Variants in NKAIN2 observed in about 807,000 individuals in gnomAD.
NKAIN2 encodes sodium/potassium transporting ATPase interacting 2, also known as sodium/potassium-transporting ATPase subunit beta-1-interacting protein 2.
A neutral mutation model predicts 32.6 loss-of-function variants in NKAIN2; 14 were observed. The ratio of observed to expected loss-of-function variants is 0.43; its 90% CI spans 0.28 to 0.67. NKAIN2 has a LOEUF of 0.67. Ranked by LOEUF, NKAIN2 falls within the 30% of genes least tolerant of loss-of-function variation. The pLI is 0.17. For missense variants in NKAIN2, 198 were observed against 258.3 expected (o/e 0.77, Z 1.60); for synonymous variants, 80 against 87.2 (o/e 0.92, Z 0.46).
intron 1 of NKAIN2, among the ~76,000 whole-genome samples, chr6:124,239,533 A>G (rs180819993): frequency 1.4e-3 from 207 of 152,304 alleles, no homozygotes; most frequent in African/African-American, 4.7e-3. Flanking sequence ...AACGAAAATC[A>G]TAAAAAACAG....
At position 124,312,301 on chromosome 6, in the gene NKAIN2, A is replaced by G. The variant is rs78544437; in HGVS notation, c.192+29159A>G. On this transcript the variant is annotated intron_variant, in intron 2 of 6. Coordinates refer to ENST00000368417, the MANE Select transcript of NKAIN2 (RefSeq NM_001040214.3). ...GCAGACACCAGCTAGCTGTCTTCCAATTCAGTTCTGACACTCTACCTGGAG... is the reference window on the plus strand; with the variant it reads ...GCAGACACCAGCTAGCTGTCTTCCAGTTCAGTTCTGACACTCTACCTGGAG... 5.7e-3 allele frequency among the ~76,000 whole-genome samples: 871 copies of G among 152,220 alleles called. 7 individuals are homozygous for G. Among genetic ancestry groups the G allele is most frequent in the African/African-American group, 0.02 (836 of 41,554 alleles).
At chr6:124,432,468 A>G (rs1775259597) in intron 3 of NKAIN2, among the ~76,000 whole-genome samples, 1 of 152,088 alleles carries the variant, frequency 6.6e-6, no homozygotes, top group Admixed American at 6.5e-5. Context: ...TTAGCCAGTC[A>G]TAGTGGTGTG....
At chr6:124,706,935 C>T (rs1361657756) in intron 4 of NKAIN2, among the ~76,000 whole-genome samples, 2 of 151,868 alleles carry the variant, frequency 1.3e-5, no homozygotes, top group Non-Finnish European at 2.9e-5. Context: ...TGGTGCGCTG[C>T]ACCCACTAAC....
intron 1 of NKAIN2, among the ~76,000 whole-genome samples, chr6:123,816,679 G>C (rs1289098597): frequency 6.6e-6 from 1 of 152,108 alleles, no homozygotes; most frequent in Non-Finnish European, 1.5e-5. Context: ...TGTCAGAATG[G>C]GAAGGGGTAG....
intron 1 of NKAIN2, among the ~76,000 whole-genome samples, chr6:124,131,410 C>T (rs1411620043): frequency 6.6e-6 from 1 of 152,154 alleles, no homozygotes; most frequent in African/African-American, 2.4e-5. Flanking sequence ...CTTGGCCAGA[C>T]AGAACAGTGT....
chr6:124,769,416 C>A (rs555456982), intron 4 of NKAIN2, among the ~76,000 whole-genome samples: 1 of 152,182 alleles, frequency 6.6e-6, no homozygotes, highest in East Asian at 1.9e-4. Flanking sequence ...TCCTGCAATC[C>A]CCCACCCTCT....
intron 4 of NKAIN2, among the ~76,000 whole-genome samples, chr6:124,688,224 T>G (rs540058614): frequency 6.6e-6 from 1 of 152,194 alleles, no homozygotes; most frequent in Admixed American, 6.6e-5. Flanking sequence ...CCTCACCAGA[T>G]TTTATATTTG....
intron 1 of NKAIN2, among the ~76,000 whole-genome samples, chr6:124,175,256 A>G (rs1436237197): frequency 6.6e-6 from 1 of 152,138 alleles, no homozygotes; most frequent in Non-Finnish European, 1.5e-5. Flanking sequence ...TGACAGATCT[A>G]CACTCACACA....
chr6:124,100,481 G>A (rs142492873), intron 1 of NKAIN2, among the ~76,000 whole-genome samples: 49 of 152,250 alleles, frequency 3.2e-4, no homozygotes, highest in African/African-American at 1.1e-3. Context: ...AGACACATTT[G>A]TCAACATCTG....
rs757782171 is a variant in NKAIN2, at chr6:124,251,713, TG to T, written c.55-31290del. On this transcript the variant is annotated intron_variant, in intron 1 of 6. Transcript: ENST00000368417. ...AGTCAATATTGTTGGTATGTACTAC[TG>T]GTGTATGAGTGTCAGTGAGGATGTG... 1.1e-4 allele frequency among the ~76,000 whole-genome samples: 16 copies of T among 152,190 alleles called. No individual in the cohort carries two copies. The East Asian group carries it at 1.5e-3, about 15-fold the overall frequency.
At chr6:124,258,185 G>T (rs1479580636) in intron 1 of NKAIN2, among the ~76,000 whole-genome samples, 1 of 151,876 alleles carries the variant, frequency 6.6e-6, no homozygotes, top group Non-Finnish European at 1.5e-5. Context: ...GAATTAAATT[G>T]GTCAGATTCA....
intron 4 of NKAIN2, among the ~76,000 whole-genome samples, chr6:124,726,386 G>A (rs999675243): frequency 6.6e-6 from 1 of 151,896 alleles, no homozygotes; most frequent in Non-Finnish European, 1.5e-5. Context: ...GCCTCCTCAA[G>A]TGGGTCCCTG....
At chr6:123,965,735 A>C (rs1389863628) in intron 1 of NKAIN2, among the ~76,000 whole-genome samples, 3 of 152,294 alleles carry the variant, frequency 2.0e-5, no homozygotes, top group Middle Eastern at 3.4e-3. Flanking sequence ...TTCAAATGCC[A>C]CTTTATCCAC....
chr6:124,715,010 C>G (rs1464672262), intron 4 of NKAIN2, among the ~76,000 whole-genome samples: 1 of 152,154 alleles, frequency 6.6e-6, no homozygotes, highest in African/African-American at 2.4e-5. Context: ...GTGCTGAGCA[C>G]CCGGGTCACA....
At chr6:124,523,898 A>C (rs1353088422) in intron 3 of NKAIN2, among the ~76,000 whole-genome samples, 1 of 152,210 alleles carries the variant, frequency 6.6e-6, no homozygotes, top group African/African-American at 2.4e-5. Flanking sequence ...GTATGCCAGA[A>C]ACAATACTCT....
intron 3 of NKAIN2, among the ~76,000 whole-genome samples, chr6:124,575,420 C>A (rs574990949): frequency 3.9e-5 from 6 of 152,180 alleles, no homozygotes; most frequent in South Asian, 2.1e-4. Flanking sequence ...ATTTAGAAAC[C>A]CACAATGGTG....
intron 1 of NKAIN2, among the ~76,000 whole-genome samples, chr6:123,900,504 A>G (rs1774513225): frequency 8.0e-6 from 1 of 124,316 alleles, no homozygotes. Flanking sequence ...AAAAAGAAAA[A>G]CGGGCAAGGT....
At chr6:124,070,309 A>G (rs930672837) in intron 1 of NKAIN2, among the ~76,000 whole-genome samples, 13 of 152,200 alleles carry the variant, frequency 8.5e-5, no homozygotes, top group African/African-American at 2.9e-4. Flanking sequence ...CAAGAGGCAC[A>G]GGCTGTGTGT....
At chr6:124,388,762 A>T (rs1428154515) in intron 3 of NKAIN2, among the ~76,000 whole-genome samples, 1 of 152,100 alleles carries the variant, frequency 6.6e-6, no homozygotes, top group Non-Finnish European at 1.5e-5. Context: ...GAACAAAGAG[A>T]TGCTCTGCCT....
Sources: gnomAD v4.1 joint callset for allele counts (sites outside exome capture counted in the v4.1 genomes callset) on GRCh38, gnomAD v4.1.1 for gene constraint, MANE v1.5 for transcripts, NCBI Gene and HGNC (gene_info 2026-07-23, HGNC 2026-07-21) for gene names.